PINX1: variants seen among roughly 807,000 people sequenced by gnomAD.
PINX1 encodes the protein PIN2/TERF1-interacting telomerase inhibitor 1.
Under a neutral mutation model 25.4 loss-of-function variants are expected in PINX1, and 34 were observed. The ratio of observed to expected loss-of-function variants is 1.34; its 90% CI spans 1.02 to 1.78. The LOEUF (loss-of-function observed/expected upper bound fraction) is 1.78, where lower values mean the gene tolerates loss of function less well. Ranked by LOEUF, PINX1 falls within the 40% of genes most tolerant of loss-of-function variation. PINX1 has a pLI of 0.00. For missense variants in PINX1, 592 were observed against 404.9 expected (o/e 1.46, Z -3.97); for synonymous variants, 197 against 147.7 (o/e 1.33, Z -2.42).
At position 10,833,071 on chromosome 8, in the gene PINX1, C is replaced by T. The variant is rs1218186801; in HGVS notation, c.130-87G>A. The T allele has an allele frequency of 3.5e-5, 27 of 769,068 alleles. No individual in the cohort carries two copies. The Middle Eastern group carries it at 7.4e-4, about 21-fold the overall frequency. 47.6% of individuals were successfully genotyped at this position (769,068 alleles called of 1,614,324 possible). On this transcript the variant is annotated intron_variant, in intron 2 of 6. Transcript: ENST00000314787. Reference sequence around the variant, plus strand: ...CTGCTACAAAACTCACAGATGCCTACGGCAGGTGTTCTGAGTTGATGATTC... The same window carrying T: ...CTGCTACAAAACTCACAGATGCCTATGGCAGGTGTTCTGAGTTGATGATTC...
intron 6 of PINX1, among the ~76,000 whole-genome samples, chr8:10,766,133 C>T (rs943613510): frequency 1.3e-5 from 2 of 152,142 alleles, no homozygotes; most frequent in Non-Finnish European, 2.9e-5. Context: ...GGGAGCAAGG[C>T]GGCCACACAC....
At chr8:10,821,108 T>C (rs1009093896) in intron 5 of PINX1, among the ~76,000 whole-genome samples, 1 of 152,346 alleles carries the variant, frequency 6.6e-6, no homozygotes, top group East Asian at 1.9e-4. Flanking sequence ...AACTACTCCA[T>C]GTAAAGGCTT....
intron 6 of PINX1, among the ~76,000 whole-genome samples, chr8:10,814,668 T>C (rs1193473829): frequency 1.3e-5 from 2 of 152,238 alleles, no homozygotes; most frequent in Admixed American, 6.5e-5. Context: ...GAAATACTTA[T>C]TTATTAGAAC....
chr8:10,833,712 C>G (rs1319077487), intron 2 of PINX1: 1 of 146,448 alleles, frequency 6.8e-6, no homozygotes, highest in Non-Finnish European at 1.4e-5. Flanking sequence ...AGAATGACGA[C>G]TGGGGTGCGG....
At chr8:10,806,568 G>T (rs771190870) in intron 6 of PINX1, among the ~76,000 whole-genome samples, 4 of 152,100 alleles carry the variant, frequency 2.6e-5, no homozygotes, top group African/African-American at 9.7e-5. Flanking sequence ...AATTGAAAGG[G>T]TTTTCTCTTA....
At chr8:10,819,422 T>G (rs910374238) in intron 6 of PINX1, among the ~76,000 whole-genome samples, 2 of 152,180 alleles carry the variant, frequency 1.3e-5, no homozygotes, top group Non-Finnish European at 2.9e-5. Flanking sequence ...ATTAGCTGAG[T>G]AACAGTGGTC....
intron 6 of PINX1, among the ~76,000 whole-genome samples, chr8:10,816,063 G>A (rs576679801): frequency 2.6e-5 from 4 of 152,298 alleles, no homozygotes; most frequent in African/African-American, 7.2e-5. Flanking sequence ...GGTCACGGGC[G>A]GTGTTGGAGG....
At chr8:10,787,777 C>T (rs932731559) in intron 6 of PINX1, 3 of 455,246 alleles carry the variant, frequency 6.6e-6, no homozygotes, top group Admixed American at 2.4e-5. Context: ...AAATTCAGGA[C>T]ATGGGAAATT....
chr8:10,765,863 G>A lies in PINX1; in HGVS notation c.525C>T (p.Ala175=). The A allele has an allele frequency of 1.2e-6, 2 of 1,613,954 alleles. No homozygotes were observed. The highest frequency in any genetic ancestry group is 1.7e-6 in the Non-Finnish European group (2 of 1,179,892). ...PEENETTTTS[A]FTIQEYFAKR... ...TGGCAAAGTACTCCTGGATGGTGAA[G>A]GCGCTGGTTGTCGTGGTTTCGTTCT... Residue 175 remains alanine (A), a synonymous_variant, in exon 7 of 7, where the codon GCC becomes GCT. Transcript: ENST00000314787.
intron 1 of PINX1, among the ~76,000 whole-genome samples, chr8:10,837,366 CCTGG>C (rs1484343830): frequency 1.3e-5 from 2 of 152,220 alleles, no homozygotes; most frequent in African/African-American, 2.4e-5. Flanking sequence ...AAGCTTGACG[CCTGG>C]CTTAGCCTGG....
chr8:10,799,644 G>C (rs56109041), intron 6 of PINX1, among the ~76,000 whole-genome samples: 24,374 of 152,170 alleles, frequency 0.16, 2,453 homozygotes, highest in Non-Finnish European at 0.23. Flanking sequence ...CTCCACAGCA[G>C]TCTAATCCCA....
At chr8:10,808,613 G>A (rs563192262) in intron 6 of PINX1, among the ~76,000 whole-genome samples, 3 of 152,196 alleles carry the variant, frequency 2.0e-5, no homozygotes, top group South Asian at 2.1e-4. Flanking sequence ...GTTACATAGC[G>A]TGTCCAGTAG....
intron 5 of PINX1, among the ~76,000 whole-genome samples, chr8:10,820,666 T>C (rs1474053725): frequency 6.6e-6 from 1 of 152,084 alleles, no homozygotes; most frequent in East Asian, 1.9e-4. Context: ...ACTTAGAAGA[T>C]TACGAAATAC....
chr8:10,809,285 G>C (rs975776902), intron 6 of PINX1, among the ~76,000 whole-genome samples: 6 of 152,186 alleles, frequency 3.9e-5, no homozygotes, highest in African/African-American at 1.2e-4. Flanking sequence ...TACCAATAAA[G>C]AGAAAGAACA....
At chr8:10,782,955 T>C (rs1313785639) in intron 6 of PINX1, among the ~76,000 whole-genome samples, 1 of 152,214 alleles carries the variant, frequency 6.6e-6, no homozygotes, top group Admixed American at 6.5e-5. Flanking sequence ...GTCTTTCCTA[T>C]ATGCACTGTT....
intron 4 of PINX1, among the ~76,000 whole-genome samples, chr8:10,827,559 G>C (rs1244085742): frequency 2.0e-5 from 3 of 151,980 alleles, no homozygotes; most frequent in South Asian, 2.1e-4. Flanking sequence ...AGGCAGAAGA[G>C]AGACTAAATT....
At chr8:10,839,457 G>C (rs1020807264) in intron 1 of PINX1, among the ~76,000 whole-genome samples, 4 of 152,186 alleles carry the variant, frequency 2.6e-5, no homozygotes, top group African/African-American at 9.7e-5. Flanking sequence ...CCAGTCCCGG[G>C]ACCCGGTGTT....
rs73529691 is a variant in PINX1, at chr8:10,811,331, A to T, written c.471+8862T>A. On this transcript the variant is annotated intron_variant, in intron 6 of 6. Coordinates refer to ENST00000314787, the MANE Select transcript of PINX1 (RefSeq NM_017884.6). ...AACCAGTTGCCCTTTAGAAGAAACC[A>T]GAGTAGAACATTCATTAGATGACCT... Among the ~76,000 whole-genome samples the T allele has an allele frequency of 4.0e-3, 612 of 152,348 alleles. 1 individual carries two copies. Among genetic ancestry groups the T allele is most frequent in the African/African-American group, 0.014 (589 of 41,590 alleles).
Position 10,831,777 on chromosome 8 carries a change from C to G in PINX1, c.223-34G>C, listed in dbSNP as rs1284067491. On this transcript the variant is annotated intron_variant, in intron 3 of 6. Coordinates refer to ENST00000314787, the MANE Select transcript of PINX1 (RefSeq NM_017884.6). ...ATCAAAGAAATGAACGAGAGGTAAG[C>G]CTGTAGTTTACTTACACTGACTGAG... 10 of 1,300,846 alleles carry G rather than the reference C, an allele frequency of 7.7e-6. No homozygotes were observed. In the Admixed American group the frequency reaches 1.5e-4, roughly 20 times the overall value. The allele number at this position is 1,300,846 out of a possible 1,614,324, so 80.6% of individuals were successfully genotyped here.
Sources: gnomAD v4.1 joint callset for allele counts (sites outside exome capture counted in the v4.1 genomes callset) on GRCh38, gnomAD v4.1.1 for gene constraint, MANE v1.5 for transcripts, NCBI Gene and HGNC (gene_info 2026-07-23, HGNC 2026-07-21) for gene names.